CDK7: variants seen among roughly 807,000 people sequenced by gnomAD.
CDK7 encodes cyclin-dependent kinase 7.
CDK7 carries 25 observed loss-of-function variants against 49.1 expected under a neutral mutation model. The observed-to-expected ratio is 0.51, with a 90% CI of 0.37 to 0.71. The LOEUF is 0.71. CDK7 is among the 30% of genes least tolerant of loss of function. CDK7 has a pLI of 0.00. For missense variants in CDK7, 316 were observed against 411.7 expected, an observed-to-expected ratio of 0.77 and a Z score of 2.01; for synonymous variants, 107 against 140.0, an observed-to-expected ratio of 0.76 and a Z score of 1.67.
chr5:69,271,750 G>A (rs987190648), intron 9 of CDK7, among the ~76,000 whole-genome samples: 3 of 151,950 alleles, frequency 2.0e-5, no homozygotes, highest in Admixed American at 6.6e-5. Flanking sequence ...GAGCTCAAAC[G>A]ATTTGCCCAC....
chr5:69,246,844 T>C (rs1354527871), intron 2 of CDK7, among the ~76,000 whole-genome samples: 1 of 152,218 alleles, frequency 6.6e-6, no homozygotes, highest in African/African-American at 2.4e-5. Context: ...CTTCTTCATC[T>C]GTCCATTGAC....
intron 2 of CDK7, among the ~76,000 whole-genome samples, chr5:69,245,915 T>C (rs1025768630): frequency 2.0e-5 from 3 of 152,132 alleles, no homozygotes; most frequent in Non-Finnish European, 4.4e-5. Context: ...TTCACATCTG[T>C]TTTTATTTAT....
At chr5:69,275,453 C>G (rs1752019275) in intron 10 of CDK7, among the ~76,000 whole-genome samples, 1 of 151,928 alleles carries the variant, frequency 6.6e-6, no homozygotes, top group Admixed American at 6.6e-5. Context: ...CTGTAGAGTT[C>G]AATATGTAGA....
Position 69,277,216 on chromosome 5 carries a change from ATGCTG to A in CDK7, c.*83_*87del. 1.0e-6 allele frequency: 1 copy of A among 1,004,842 alleles called. No individual in the cohort carries two copies. The highest frequency in any genetic ancestry group is 1.5e-6 in the Non-Finnish European group (1 of 668,162). The allele number at this position is 1,004,842 out of a possible 1,614,324, so 62.2% of individuals were successfully genotyped here. On this transcript the variant is annotated 3_prime_UTR_variant, in exon 12 of 12. Transcript: ENST00000256443. ...TGGAAAAATAGTAAACATTAAGTAAATGCTGTAGAAGTGAGTTTGTAAATATTCTA... is the reference window on the plus strand; with the variant it reads ...TGGAAAAATAGTAAACATTAAGTAAATAGAAGTGAGTTTGTAAATATTCTA...
At chr5:69,254,351 G>A (rs572762237) in intron 3 of CDK7, among the ~76,000 whole-genome samples, 3 of 151,684 alleles carry the variant, frequency 2.0e-5, no homozygotes, top group East Asian at 1.9e-4. Context: ...GTGAAACCCC[G>A]CCTTTACTAA....
intron 1 of CDK7, 170 bp from the exon 2 acceptor site, chr5:69,235,224 C>T (rs1748877775): frequency 1.3e-6 from 1 of 755,618 alleles, no homozygotes. Flanking sequence ...TGAGGGGCCT[C>T]TCCTTGCTGA....
chr5:69,263,261 T>C (rs1170364554), intron 8 of CDK7, among the ~76,000 whole-genome samples: 1 of 151,798 alleles, frequency 6.6e-6, no homozygotes, highest in Admixed American at 6.6e-5. Flanking sequence ...CTAGTTTTTT[T>C]CTCTCCATAT....
intron 8 of CDK7, among the ~76,000 whole-genome samples, chr5:69,265,220 G>A (rs1440608810): frequency 5.3e-5 from 8 of 150,012 alleles, no homozygotes; most frequent in African/African-American, 1.2e-4. Flanking sequence ...AGCCAAGATC[G>A]CACCACTGCA....
chr5:69,249,065 CCT>C (rs1213228838), intron 2 of CDK7, among the ~76,000 whole-genome samples: 3 of 151,172 alleles, frequency 2.0e-5, no homozygotes, highest in Non-Finnish European at 2.9e-5. Context: ...TTCTTCTTTG[CCT>C]CTCTCTCTCT....
intron 2 of CDK7, among the ~76,000 whole-genome samples, chr5:69,249,402 A>G (rs1189561026): frequency 6.6e-6 from 1 of 151,698 alleles, no homozygotes; most frequent in East Asian, 1.9e-4. Context: ...TTAGCTTGAC[A>G]TGGTGGTTTG....
At chr5:69,235,564 T>C (rs1455095705) in intron 2 of CDK7, 111 bp downstream of exon 2, 1 of 760,146 alleles carries the variant, frequency 1.3e-6, no homozygotes, top group Non-Finnish European at 2.3e-6. Context: ...GAGTTACTCA[T>C]GTCATTTTCA....
At position 69,252,411 on chromosome 5, in the gene CDK7, C is replaced by G; in HGVS notation, c.127-7C>G. The G allele has an allele frequency of 6.5e-7, 1 of 1,529,202 alleles. No individual in the cohort carries two copies. Among genetic ancestry groups the G allele is most frequent in the Non-Finnish European group, 8.9e-7 (1 of 1,127,550 alleles). The allele number at this position is 1,529,202 out of a possible 1,614,324, so 94.7% of individuals were successfully genotyped here. On this transcript the variant is annotated splice_polypyrimidine_tract_variant and splice_region_variant and intron_variant, in intron 2 of 11. Transcript: ENST00000256443. ...AATATATTTGGGTTTTTTTCCGTTT[C>G]TACCAGATCAAACTTGGACATAGAT... is the stretch of plus-strand genomic sequence containing the variant.
intron 10 of CDK7, among the ~76,000 whole-genome samples, chr5:69,275,064 CAAAA>C (rs60134652): frequency 9.3e-6 from 1 of 107,084 alleles, no homozygotes; most frequent in African/African-American, 3.1e-5. Flanking sequence ...ACTCTGTATC[CAAAA>C]AAAAAAAAAA....
intron 10 of CDK7, among the ~76,000 whole-genome samples, chr5:69,273,398 C>G (rs1429603595): frequency 6.6e-6 from 1 of 152,128 alleles, no homozygotes; most frequent in Non-Finnish European, 1.5e-5. Context: ...CTTACAAATT[C>G]ATTTAAATCT....
Position 69,244,636 on chromosome 5 carries a change from C to CA in CDK7, c.127-7761dup, listed in dbSNP as rs35194899. 3.7e-3 allele frequency among the ~76,000 whole-genome samples: 349 copies of CA among 94,852 alleles called. 3 individuals are homozygous for CA. Among genetic ancestry groups the CA allele is most frequent in the East Asian group, 8.5e-3 (28 of 3,308 alleles). 62.2% of individuals were successfully genotyped at this position (94,852 alleles called of 152,430 possible). ...GGGCAACAAGAGCAAAACTCCGTCTCAAAAAAAAAAAAAAAAAAAAAGATC... is the reference window on the plus strand; with the variant it reads ...GGGCAACAAGAGCAAAACTCCGTCTCAAAAAAAAAAAAAAAAAAAAAAGATC... On this transcript the variant is annotated intron_variant, in intron 2 of 11. Coordinates refer to ENST00000256443, the MANE Select transcript of CDK7 (RefSeq NM_001799.4).
chr5:69,243,897 A>G (rs1749556623), intron 2 of CDK7, among the ~76,000 whole-genome samples: 2 of 135,146 alleles, frequency 1.5e-5, no homozygotes, highest in South Asian at 2.5e-4. Flanking sequence ...CAATGGTGCA[A>G]TCTCAGCTCA....
chr5:69,238,308 C>A lies in CDK7; in HGVS notation c.126+2855C>A, dbSNP rs181103434. ...TCCTTTTTTTTTTTTTTTGAGACAG[C>A]AACTTGCTGTGTGTTTCCCTGGCTG... is the stretch of plus-strand genomic sequence containing the variant. On this transcript the variant is annotated intron_variant, in intron 2 of 11. Coordinates refer to ENST00000256443, the MANE Select transcript of CDK7 (RefSeq NM_001799.4). Among the ~76,000 whole-genome samples the A allele has an allele frequency of 3.2e-3, 450 of 139,200 alleles. 5 individuals carry two copies. Among genetic ancestry groups the A allele is most frequent in the African/African-American group, 0.012 (425 of 36,844 alleles). 91.3% of individuals were successfully genotyped at this position (139,200 alleles called of 152,430 possible).
At chr5:69,254,172 C>T (rs888058254) in intron 3 of CDK7, among the ~76,000 whole-genome samples, 1 of 152,034 alleles carries the variant, frequency 6.6e-6, no homozygotes, top group Non-Finnish European at 1.5e-5. Context: ...GTCAAAGTAG[C>T]CCTTATTTTT....
At chr5:69,262,080 A>G (rs1419773592) in intron 7 of CDK7, 125 bp from the exon 8 acceptor site, 1 of 1,090,436 alleles carries the variant, frequency 9.2e-7, no homozygotes, top group Non-Finnish European at 1.4e-6. Context: ...AGAGTATGGT[A>G]TCTAGTCCTT....
Sources: gnomAD v4.1 joint callset for allele counts (sites outside exome capture counted in the v4.1 genomes callset) on GRCh38, gnomAD v4.1.1 for gene constraint, MANE v1.5 for transcripts, NCBI Gene and HGNC (gene_info 2026-07-23, HGNC 2026-07-21) for gene names.